Variants in ADAMTS3 observed in about 807,000 individuals in gnomAD.
ADAMTS3 encodes A disintegrin and metalloproteinase with thrombospondin motifs 3.
In ADAMTS3, 73 loss-of-function variants were observed where a neutral mutation model predicts 129.0. The observed-to-expected ratio is 0.57, with a 90% confidence interval of 0.47 to 0.69. The LOEUF is 0.69. ADAMTS3 is among the 30% of genes least tolerant of loss of function. The pLI, the probability that ADAMTS3 is intolerant of heterozygous loss-of-function variation, is 0.00. For synonymous variants in ADAMTS3, 477 were observed against 510.8 expected (o/e 0.93, Z 0.89); for missense variants, 1,457 against 1,514.5 (o/e 0.96, Z 0.63).
intron 3 of ADAMTS3, among the ~76,000 whole-genome samples, chr4:72,423,345 A>G (rs965548987): frequency 6.6e-6 from 1 of 152,154 alleles, no homozygotes; most frequent in African/African-American, 2.4e-5. Context: ...TAAGACGGAG[A>G]ATACATGTAA....
intron 4 of ADAMTS3, among the ~76,000 whole-genome samples, chr4:72,409,925 GA>G (rs1277307650): frequency 6.6e-6 from 1 of 152,164 alleles, no homozygotes; most frequent in Non-Finnish European, 1.5e-5. Context: ...TGCTAAATAA[GA>G]TGATGCAGGT....
chr4:72,484,262 C>T (rs1719518901), intron 3 of ADAMTS3, among the ~76,000 whole-genome samples: 1 of 152,146 alleles, frequency 6.6e-6, no homozygotes, highest in Non-Finnish European at 1.5e-5. Flanking sequence ...ATTCTAGTTT[C>T]TTATGTGTAA....
intron 3 of ADAMTS3, among the ~76,000 whole-genome samples, chr4:72,456,725 G>A (rs919667355): frequency 1.3e-5 from 2 of 151,392 alleles, no homozygotes; most frequent in African/African-American, 4.8e-5. Context: ...GGAGAAACTG[G>A]GAAGCAAGCT....
chr4:72,511,703 A>G (rs938066491), intron 3 of ADAMTS3, among the ~76,000 whole-genome samples: 2 of 152,214 alleles, frequency 1.3e-5, no homozygotes, highest in African/African-American at 2.4e-5. Flanking sequence ...AACAGTTTGG[A>G]GGTTTCTCAA....
Position 72,283,032 on chromosome 4 carries a change from C to A in ADAMTS3, c.*104G>T. The stretch of plus-strand genomic sequence containing the variant: ...TTCTTCCAATTACAGATAAAATGAG[C>A]TGACGATCTATAGAGATTTCCACTT... On this transcript the variant is annotated 3_prime_UTR_variant, in exon 22 of 22. Transcript: ENST00000286657. 1 of 986,356 alleles carries A rather than the reference C, an allele frequency of 1.0e-6. No individual in the cohort carries two copies. Among genetic ancestry groups the A allele is most frequent in the East Asian group, 2.5e-5 (1 of 40,478 alleles). 61.1% of individuals were successfully genotyped at this position (986,356 alleles called of 1,614,324 possible).
At chr4:72,340,745 T>C (rs933163448) in intron 4 of ADAMTS3, among the ~76,000 whole-genome samples, 2 of 152,142 alleles carry the variant, frequency 1.3e-5, no homozygotes, top group African/African-American at 4.8e-5. Context: ...AGTTATCTGT[T>C]TTCAGATGAC....
intron 5 of ADAMTS3, among the ~76,000 whole-genome samples, chr4:72,326,286 A>C (rs939466693): frequency 2.0e-5 from 3 of 152,120 alleles, no homozygotes; most frequent in African/African-American, 7.2e-5. Flanking sequence ...AAAGCACTGT[A>C]TCTTATTATT....
intron 3 of ADAMTS3, among the ~76,000 whole-genome samples, chr4:72,511,950 TG>T (rs1223417149): frequency 2.6e-5 from 4 of 152,148 alleles, no homozygotes; most frequent in Non-Finnish European, 5.9e-5. Flanking sequence ...AACGAGAGCT[TG>T]TCATTTGCAA....
At chr4:72,469,261 G>C (rs542535804) in intron 3 of ADAMTS3, among the ~76,000 whole-genome samples, 7 of 152,238 alleles carry the variant, frequency 4.6e-5, no homozygotes, top group African/African-American at 1.7e-4. Context: ...GGTGAATACA[G>C]ATATGAAGAC....
intron 3 of ADAMTS3, among the ~76,000 whole-genome samples, chr4:72,515,040 G>A (rs1438105460): frequency 1.3e-5 from 2 of 151,840 alleles, no homozygotes; most frequent in African/African-American, 4.8e-5. Flanking sequence ...CTGTGTCCAT[G>A]TGTTCTCATT....
At chr4:72,476,918 C>T (rs1046672827) in intron 3 of ADAMTS3, among the ~76,000 whole-genome samples, 4 of 152,026 alleles carry the variant, frequency 2.6e-5, no homozygotes, top group African/African-American at 9.7e-5. Flanking sequence ...AATCACATAT[C>T]AAATGATGCA....
Position 72,281,415 on chromosome 4 carries a change from T to TATA in ADAMTS3, c.*1718_*1720dup, listed in dbSNP as rs1048635650. Reference sequence around the variant, plus strand: ...GTTAATTCATCTACATTTTAGTTTGTATAATATATTTTTAGACAGCTCAGG... The same window carrying TATA: ...GTTAATTCATCTACATTTTAGTTTGTATAATAATATATTTTTAGACAGCTCAGG... On this transcript the variant is annotated 3_prime_UTR_variant, in exon 22 of 22. Coordinates refer to ENST00000286657, the MANE Select transcript of ADAMTS3 (RefSeq NM_014243.3). 11 of 152,616 alleles carry TATA rather than the reference T, an allele frequency of 7.2e-5. No individual in the cohort carries two copies. Among genetic ancestry groups the TATA allele is most frequent in the African/African-American group, 2.7e-4 (11 of 41,464 alleles). The allele number at this position is 152,616 out of a possible 1,614,324, so 9.5% of individuals were successfully genotyped here.
intron 15 of ADAMTS3, among the ~76,000 whole-genome samples, 162 bp downstream of exon 15, chr4:72,309,233 CTT>C (rs893406163): frequency 7.1e-6 from 1 of 140,690 alleles, no homozygotes. Context: ...AAAGTGATTT[CTT>C]TTTTTTTTTT....
intron 4 of ADAMTS3, among the ~76,000 whole-genome samples, chr4:72,374,801 T>G (rs2064991059): frequency 1.3e-5 from 2 of 152,140 alleles, no homozygotes; most frequent in Admixed American, 1.3e-4. Context: ...ACAACAGAAA[T>G]GGATAGCAAA....
intron 3 of ADAMTS3, among the ~76,000 whole-genome samples, chr4:72,522,684 G>C (rs776635674): frequency 9.2e-5 from 14 of 152,108 alleles, no homozygotes; most frequent in Non-Finnish European, 1.6e-4. Flanking sequence ...CACAGTTTCT[G>C]TTCTATTCAA....
intron 20 of ADAMTS3, 78 bp downstream of exon 20, chr4:72,290,777 T>C: frequency 6.9e-7 from 1 of 1,453,850 alleles, no homozygotes; most frequent in East Asian, 2.3e-5. Flanking sequence ...GCCTAACTGA[T>C]GTTTAAGCCA....
intron 3 of ADAMTS3, among the ~76,000 whole-genome samples, chr4:72,468,811 T>C (rs979232505): frequency 4.6e-5 from 7 of 151,988 alleles, no homozygotes; most frequent in Non-Finnish European, 8.8e-5. Flanking sequence ...GTTCACAGCT[T>C]ATCTTGCCAG....
At chr4:72,300,424 G>T (rs1392763359) in intron 17 of ADAMTS3, among the ~76,000 whole-genome samples, 1 of 152,096 alleles carries the variant, frequency 6.6e-6, no homozygotes, top group African/African-American at 2.4e-5. Context: ...TGCTAGAAAA[G>T]AATACAATGT....
chr4:72,546,514 G>A (rs788912), intron 3 of ADAMTS3, among the ~76,000 whole-genome samples: 100,583 of 151,822 alleles, frequency 0.66, 34,076 homozygotes, highest in African/African-American at 0.82. Context: ...TCAGCCCACA[G>A]GGAAATCACT....
Sources: gnomAD v4.1 joint callset for allele counts (sites outside exome capture counted in the v4.1 genomes callset) on GRCh38, gnomAD v4.1.1 for gene constraint, MANE v1.5 for transcripts, NCBI Gene and HGNC (gene_info 2026-07-23, HGNC 2026-07-21) for gene names.